Variants in LRP1 observed in about 807,000 individuals in gnomAD.
LRP1 encodes LDL receptor related protein 1, also known as prolow-density lipoprotein receptor-related protein 1.
In LRP1, 51 loss-of-function variants were observed where a neutral mutation model predicts 541.5. The ratio of observed to expected loss-of-function variants is 0.09; its 90% CI spans 0.08 to 0.12. The LOEUF (loss-of-function observed/expected upper bound fraction) is 0.12. LRP1 is among the 10% of genes least tolerant of loss of function. The probability of loss-of-function intolerance (pLI) is 1.00; values close to 1 mark genes in which losing one functional copy is unlikely to be tolerated. For synonymous variants in LRP1, 2,219 were observed against 2,470.8 expected (o/e 0.90, Z 3.02); for missense variants, 3,878 against 6,376.2 (o/e 0.61, Z 13.34).
Position 57,181,303 on chromosome 12 carries a change from G to C in LRP1, c.5662+12G>C. ...GCAGGCCTGCGAGGGTCAGTGCCTGGCTTTCCTCCCAGCCTTGTCCCAGCT... is the reference window on the plus strand; with the variant it reads ...GCAGGCCTGCGAGGGTCAGTGCCTGCCTTTCCTCCCAGCCTTGTCCCAGCT... On this transcript the variant is annotated intron_variant, in intron 34 of 88. Transcript: ENST00000243077. 1.2e-6 allele frequency: 2 copies of C among 1,606,914 alleles called. No individual in the cohort carries two copies. Among genetic ancestry groups the C allele is most frequent in the South Asian group, 1.1e-5 (1 of 90,340 alleles).
rs151252533 is a variant in LRP1 at position 57,178,461 on chromosome 12, G to T, written c.4464G>T (p.Gly1488=). Residue 1488 remains glycine (G), a synonymous_variant, in exon 27 of 89, where the codon GGG becomes GGT. Transcript: ENST00000243077. The surrounding 1 kb of genome is among the most constrained non-coding windows in gnomAD (Gnocchi z 5.8). ...LSHPFAVTLY[G]GEVYWTDWRT... is the part of the protein sequence containing the mutation. ...ACCCGTTTGCAGTGACGCTGTACGG[G>T]GGGGAGGTCTACTGGACTGACTGGC... The T allele has an allele frequency of 4.5e-5, 73 of 1,614,120 alleles. No individual in the cohort carries two copies. The highest frequency in any genetic ancestry group is 1.6e-4 in the African/African-American group (12 of 74,946).
At position 57,173,391 on chromosome 12, in the gene LRP1, T is replaced by G; in HGVS notation, c.3346+41T>G. On this transcript the variant is annotated intron_variant, in intron 21 of 88. Coordinates refer to ENST00000243077, the MANE Select transcript of LRP1 (RefSeq NM_002332.3). This position sits in a 1 kb window ranked among gnomAD's most constrained non-coding sequence, Gnocchi z 4.7. ...GGAGGGCGTCTGGAACAGCACAATGTGGGCAGGAGGAGACCGTGTTGAGAG... is the reference window on the plus strand; with the variant it reads ...GGAGGGCGTCTGGAACAGCACAATGGGGGCAGGAGGAGACCGTGTTGAGAG... 6.3e-7 allele frequency: 1 copy of G among 1,594,338 alleles called. No homozygotes were observed. The highest frequency in any genetic ancestry group is 1.7e-4 in the Middle Eastern group (1 of 6,008).
intron 20 of LRP1, among the ~76,000 whole-genome samples, chr12:57,172,527 G>A (rs554646530): frequency 1.3e-5 from 2 of 152,210 alleles, no homozygotes; most frequent in South Asian, 2.1e-4. Context: ...ACTTTGCAGC[G>A]GCTGTTCCCC....
rs964393841 is a variant in LRP1, at chr12:57,187,364, C to T, written c.6939C>T (p.Asp2313=). The T allele has an allele frequency of 6.2e-7, 1 of 1,614,218 alleles. No individual in the cohort carries two copies. Among genetic ancestry groups the T allele is most frequent in the Admixed American group, 1.7e-5 (1 of 60,036 alleles). ...TTSTITRHTV[D]QTRPGAFERE... ...CCACCATCACGCGCCACACAGTGGA[C>T]CAGACCCGCCCAGGGGCCTTCGAGC... Residue 2313 remains aspartate (D), a synonymous_variant, in exon 42 of 89, where the codon GAC becomes GAT. Coordinates refer to ENST00000243077, the MANE Select transcript of LRP1 (RefSeq NM_002332.3).
In LRP1 at chr12:57,205,141, G is replaced by A; in HGVS notation, c.11227G>A (p.Asp3743Asn). ...PPTAHTTHCKDKKEFLCRNQR... is the reference protein window; with the variant it reads ...PPTAHTTHCKNKKEFLCRNQR... ...CACAGCCCACACCACCCACTGCAAA[G>A]ACAAGAAGGAGTTTCTGTGCCGGAA... The change falls in exon 73 of 89, where the codon GAC (aspartate) becomes AAC (asparagine). Residue 3743 changes from aspartate (D) to asparagine (N), a missense_variant. By Grantham distance (23) the Asp-to-Asn change is conservative. Transcript: ENST00000243077. This position sits in a 1 kb window ranked among gnomAD's most constrained non-coding sequence, Gnocchi z 4.6. 1 of 1,613,994 alleles carries A rather than the reference G, an allele frequency of 6.2e-7. No individual in the cohort carries two copies. Among genetic ancestry groups the A allele is most frequent in the South Asian group, 1.1e-5 (1 of 91,086 alleles).
chr12:57,173,661 C>G lies in LRP1; in HGVS notation c.3347-119C>G. 1 of 1,077,500 alleles carries G rather than the reference C, an allele frequency of 9.3e-7. No homozygotes were observed. Among genetic ancestry groups the G allele is most frequent in the Non-Finnish European group, 1.4e-6 (1 of 719,668 alleles). 66.7% of individuals were successfully genotyped at this position (1,077,500 alleles called of 1,614,324 possible). On this transcript the variant is annotated intron_variant, in intron 21 of 88. Transcript: ENST00000243077. This position sits in a 1 kb window ranked among gnomAD's most constrained non-coding sequence, Gnocchi z 4.7. ...TGACCCAAAAAGCCTCGGGGTTCCT[C>G]GTGGACCCCACAGCGTTGCAATCCT...
intron 41 of LRP1, among the ~76,000 whole-genome samples, chr12:57,186,605 C>T (rs1416351409): frequency 6.6e-6 from 1 of 152,188 alleles, no homozygotes. Context: ...ATAGTCCAGC[C>T]TGCATGTCTG....
At chr12:57,181,398 C>A (rs971813884) in intron 34 of LRP1, 107 bp downstream of exon 34, 16 of 1,382,944 alleles carry the variant, frequency 1.2e-5, no homozygotes, top group East Asian at 2.3e-5. Flanking sequence ...AGACTACATT[C>A]GTCGTGTAGG....
intron 1 of LRP1, among the ~76,000 whole-genome samples, chr12:57,133,295 T>A (rs2035077108): frequency 6.6e-6 from 1 of 151,908 alleles, no homozygotes; most frequent in African/African-American, 2.4e-5. Flanking sequence ...CTGGCTTTTA[T>A]TTGTGGGGAA....
chr12:57,185,208 G>A lies in LRP1; in HGVS notation c.6463+3G>A, dbSNP rs751849836. The A allele has an allele frequency of 4.3e-6, 7 of 1,614,154 alleles. No individual in the cohort carries two copies. The highest frequency in any genetic ancestry group is 5.1e-6 in the Non-Finnish European group (6 of 1,180,024). On this transcript the variant is annotated splice_donor_region_variant and intron_variant, in intron 40 of 88. Coordinates refer to ENST00000243077, the MANE Select transcript of LRP1 (RefSeq NM_002332.3). This position sits in a 1 kb window ranked among gnomAD's most constrained non-coding sequence, Gnocchi z 4.9. The stretch of plus-strand genomic sequence containing the variant: ...CTTCAACCGGGACCGGCAGAAAGGT[G>A]AGGCTGGGGCTCTGGGCTGGGGTGG...
Position 57,185,327 on chromosome 12 carries a change from G to A in LRP1, c.6463+122G>A, listed in dbSNP as rs2036247997. On this transcript the variant is annotated intron_variant, in intron 40 of 88. Transcript: ENST00000243077. This position sits in a 1 kb window ranked among gnomAD's most constrained non-coding sequence, Gnocchi z 4.9. ...AAGTTAGACCCATGGGGCAACTTCC[G>A]ATGGCCCGAGAGACCCAGGGATGGG... 9.1e-6 allele frequency: 13 copies of A among 1,429,368 alleles called. No individual in the cohort carries two copies. Among genetic ancestry groups the A allele is most frequent in the East Asian group, 2.3e-5 (1 of 43,508 alleles). 88.5% of individuals were successfully genotyped at this position (1,429,368 alleles called of 1,614,324 possible). A position where few individuals can be genotyped will look rare whatever the true frequency, so the allele number is the denominator to read the frequency against.
Position 57,201,717 on chromosome 12 carries a change from C to T in LRP1, c.10469-63C>T. 1 of 1,599,584 alleles carries T rather than the reference C, an allele frequency of 6.3e-7. No individual in the cohort carries two copies. Among genetic ancestry groups the T allele is most frequent in the Non-Finnish European group, 8.5e-7 (1 of 1,169,840 alleles). On this transcript the variant is annotated intron_variant, in intron 66 of 88. Coordinates refer to ENST00000243077, the MANE Select transcript of LRP1 (RefSeq NM_002332.3). The surrounding 1 kb of genome is among the most constrained non-coding windows in gnomAD (Gnocchi z 6.4). ...CCTCAGTGGCTGCTCCCTCACTCTC[C>T]CCACCCTCCCGGCACACTCCTGGAA...
Position 57,201,235 on chromosome 12 carries a change from A to T in LRP1, c.10345+82A>T. The T allele has an allele frequency of 6.3e-7, 1 of 1,586,874 alleles. No individual in the cohort carries two copies. Among genetic ancestry groups the T allele is most frequent in the African/African-American group, 1.3e-5 (1 of 74,492 alleles). Reference sequence around the variant, plus strand: ...GGCAGAATCTCCCCACAGCTTTGAGAGGCTCTCAAATAACTTTAGTAGATG... The same window carrying T: ...GGCAGAATCTCCCCACAGCTTTGAGTGGCTCTCAAATAACTTTAGTAGATG... On this transcript the variant is annotated intron_variant, in intron 65 of 88. Transcript: ENST00000243077. This position sits in a 1 kb window ranked among gnomAD's most constrained non-coding sequence, Gnocchi z 6.4.
chr12:57,170,684 G>C (rs2136692604), intron 20 of LRP1, among the ~76,000 whole-genome samples: 1 of 152,268 alleles, frequency 6.6e-6, no homozygotes, highest in East Asian at 1.9e-4. Context: ...AGCTGGGCAT[G>C]GAGGCACATG....
Position 57,194,507 on chromosome 12 carries a change from G to A in LRP1, c.8068+4G>A. The A allele has an allele frequency of 1.2e-6, 2 of 1,608,944 alleles. No homozygotes were observed. The highest frequency in any genetic ancestry group is 1.7e-6 in the Non-Finnish European group (2 of 1,178,116). On this transcript the variant is annotated splice_donor_region_variant and intron_variant, in intron 49 of 88. Transcript: ENST00000243077. ...AGTGATGAGCGCGACTGCCCAGGTG[G>A]GCGGGGGCAGGTGTGTGGTGGGTGG...
At chr12:57,193,085 CTGA>C in intron 45 of LRP1, 88 bp from the exon 46 acceptor site, 1 of 1,586,564 alleles carries the variant, frequency 6.3e-7, no homozygotes, top group South Asian at 1.1e-5. Context: ...CAAGAAGACG[CTGA>C]TGATGACCTC....
intron 50 of LRP1, 121 bp from the exon 51 acceptor site, chr12:57,194,864 T>A: frequency 8.6e-7 from 1 of 1,163,308 alleles, no homozygotes; most frequent in South Asian, 1.3e-5. Context: ...CTCTAGCTGC[T>A]GCTGAGCCCC....
At chr12:57,129,156 C>A in intron 1 of LRP1, 125 bp downstream of exon 1, 2 of 1,042,404 alleles carry the variant, frequency 1.9e-6, no homozygotes, top group Non-Finnish European at 2.9e-6. Flanking sequence ...GTCCAGCTGA[C>A]ACAGCAGCGG....
chr12:57,193,183 T>C lies in LRP1; in HGVS notation c.7563T>C (p.Asn2521=). ...LQDDLTCRAV[N]SSCRAQDEFE... is the part of the protein sequence containing the mutation. Reference sequence around the variant, plus strand: ...CTCCACCTCCCTCCCCAGCGGTGAATTCCTCTTGCCGAGCACAAGATGAGT... The same window carrying C: ...CTCCACCTCCCTCCCCAGCGGTGAACTCCTCTTGCCGAGCACAAGATGAGT... Residue 2521 remains asparagine (N), a synonymous_variant, in exon 46 of 89, where the codon AAT becomes AAC. Transcript: ENST00000243077. The C allele has an allele frequency of 6.2e-7, 1 of 1,614,014 alleles. No homozygotes were observed. The highest frequency in any genetic ancestry group is 8.5e-7 in the Non-Finnish European group (1 of 1,179,914).
Sources: allele counts gnomAD v4.1 joint callset (sites outside exome capture counted in the v4.1 genomes callset), GRCh38; gene constraint gnomAD v4.1.1; non-coding constraint Gnocchi (gnomAD v3.1); transcripts MANE v1.5; gene names NCBI Gene and HGNC (gene_info 2026-07-23, HGNC 2026-07-21).